HS3ST4: variants seen among roughly 807,000 people sequenced by gnomAD.
HS3ST4 encodes the protein heparan sulfate-glucosamine 3-sulfotransferase 4, also known as heparan sulfate glucosamine 3-O-sulfotransferase 4.
HS3ST4 carries 17 observed loss-of-function variants against 29.2 expected under a neutral mutation model. That is an observed-to-expected ratio of 0.58 (90% CI 0.40 to 0.87). The LOEUF (loss-of-function observed/expected upper bound fraction) is 0.87, where lower values mean the gene tolerates loss of function less well. Ranked by LOEUF, HS3ST4 falls within the 40% of genes least tolerant of loss-of-function variation. The pLI, the probability that HS3ST4 is intolerant of heterozygous loss-of-function variation, is 0.00. For missense variants in HS3ST4, 627 were observed against 634.5 expected (o/e 0.99, Z 0.13); for synonymous variants, 314 against 285.7 (o/e 1.10, Z -1.00).
intron 1 of HS3ST4, among the ~76,000 whole-genome samples, chr16:25,733,531 G>C (rs1234282797): frequency 6.6e-6 from 1 of 152,176 alleles, no homozygotes; most frequent in Non-Finnish European, 1.5e-5. Flanking sequence ...AGGAACATGA[G>C]AGTTTAAACC....
chr16:25,869,951 G>A (rs1299122126), intron 1 of HS3ST4, among the ~76,000 whole-genome samples: 2 of 152,182 alleles, frequency 1.3e-5, no homozygotes, highest in East Asian at 3.8e-4. Context: ...CACAGGACCA[G>A]GGATCAGATC....
At chr16:25,694,867 G>C (rs1262735296) in intron 1 of HS3ST4, among the ~76,000 whole-genome samples, 6 of 151,884 alleles carry the variant, frequency 4.0e-5, no homozygotes, top group Non-Finnish European at 8.8e-5. Flanking sequence ...TGAGGTGTTT[G>C]GGTTTGTGGC....
chr16:25,705,383 GGGCT>G (rs1966368554), intron 1 of HS3ST4, among the ~76,000 whole-genome samples: 1 of 152,094 alleles, frequency 6.6e-6, no homozygotes, highest in African/African-American at 2.4e-5. Flanking sequence ...AAAGGAAGCT[GGGCT>G]GGCTGCGGTG....
intron 1 of HS3ST4, among the ~76,000 whole-genome samples, chr16:26,131,965 A>T (rs1567319455): frequency 6.6e-6 from 1 of 152,182 alleles, no homozygotes; most frequent in Non-Finnish European, 1.5e-5. Context: ...AACAAAATAC[A>T]TACTTAGTGA....
At chr16:26,119,928 G>A (rs1899249661) in intron 1 of HS3ST4, among the ~76,000 whole-genome samples, 1 of 152,164 alleles carries the variant, frequency 6.6e-6, no homozygotes, top group South Asian at 2.1e-4. Flanking sequence ...GATCAGAAAA[G>A]GCTGATGTGA....
chr16:25,904,966 C>T (rs1281178470), intron 1 of HS3ST4, among the ~76,000 whole-genome samples: 1 of 152,170 alleles, frequency 6.6e-6, no homozygotes, highest in Non-Finnish European at 1.5e-5. Context: ...GTTTATTGAA[C>T]TCATTGAGTA....
At chr16:25,784,552 TAGA>T (rs1966855663) in intron 1 of HS3ST4, among the ~76,000 whole-genome samples, 1 of 152,260 alleles carries the variant, frequency 6.6e-6, no homozygotes, top group African/African-American at 2.4e-5. Flanking sequence ...GTGGTCTGGT[TAGA>T]AGATCAAACC....
chr16:25,692,542 C>G lies in HS3ST4; in HGVS notation c.125C>G (p.Ser42Cys). Residue 42 changes from serine (S) to cysteine (C), a missense_variant, in exon 1 of 2, where the codon TCC (serine) becomes TGC (cysteine). Transcript: ENST00000331351. ...ARKLLFMCTLSLSVTYLCYSL... is the reference protein window; with the variant it reads ...ARKLLFMCTLCLSVTYLCYSL... ...AAGCTGCTTTTTATGTGCACCTTGTCCCTGTCTGTCACCTACCTGTGCTAC... is the reference window on the plus strand; with the variant it reads ...AAGCTGCTTTTTATGTGCACCTTGTGCCTGTCTGTCACCTACCTGTGCTAC... 1 of 1,452,990 alleles carries G rather than the reference C, an allele frequency of 6.9e-7. No individual in the cohort carries two copies. The highest frequency in any genetic ancestry group is 3.1e-5 in the East Asian group (1 of 32,652). The allele number at this position is 1,452,990 out of a possible 1,614,324, so 90.0% of individuals were successfully genotyped here.
At chr16:26,064,113 A>C (rs1898513918) in intron 1 of HS3ST4, among the ~76,000 whole-genome samples, 1 of 152,120 alleles carries the variant, frequency 6.6e-6, no homozygotes, top group African/African-American at 2.4e-5. Flanking sequence ...TGCTGTCTGC[A>C]TGTTGGGGGC....
chr16:25,780,717 A>G lies in HS3ST4; in HGVS notation c.734+87566A>G, dbSNP rs940392948. Among the ~76,000 whole-genome samples the G allele has an allele frequency of 1.4e-4, 21 of 152,192 alleles. 1 individual carries two copies. The highest frequency in any genetic ancestry group is 5.1e-4 in the African/African-American group (21 of 41,462). On this transcript the variant is annotated intron_variant, in intron 1 of 1. Transcript: ENST00000331351. ...GCGTTGCATGTAAACTGTTGACCAC[A>G]GTCAGTCCCTGGAACTCAGTAAACT...
At chr16:26,106,625 G>C (rs1899061085) in intron 1 of HS3ST4, among the ~76,000 whole-genome samples, 1 of 152,070 alleles carries the variant, frequency 6.6e-6, no homozygotes, top group Non-Finnish European at 1.5e-5. Flanking sequence ...ACATACCTTT[G>C]GGCAGTTTTG....
intron 1 of HS3ST4, among the ~76,000 whole-genome samples, chr16:25,948,260 A>G (rs780155057): frequency 3.9e-5 from 6 of 152,142 alleles, no homozygotes; most frequent in Non-Finnish European, 8.8e-5. Flanking sequence ...ATGAAACGTG[A>G]TCATTCAAAA....
rs116915088 is a variant in HS3ST4 at position 25,934,472 on chromosome 16, G to T, written c.735-201140G>T. Among the ~76,000 whole-genome samples, 474 of 152,302 alleles carry T rather than the reference G, an allele frequency of 3.1e-3. 4 individuals carry two copies. Among genetic ancestry groups the T allele is most frequent in the South Asian group, 0.027 (132 of 4,824 alleles). On this transcript the variant is annotated intron_variant, in intron 1 of 1. Transcript: ENST00000331351. ...TGACTTTTTGAGAAAGAGCATTAAT[G>T]ATTGGTTTTATCAGGAAAGGCAGCT...
chr16:25,894,144 A>C (rs918202174), intron 1 of HS3ST4, among the ~76,000 whole-genome samples: 1 of 152,146 alleles, frequency 6.6e-6, no homozygotes, highest in Admixed American at 6.5e-5. Flanking sequence ...TGCTCAGGAC[A>C]TGGTTCCATT....
chr16:26,051,827 A>T (rs7199190), intron 1 of HS3ST4, among the ~76,000 whole-genome samples: 14 of 111,458 alleles, frequency 1.3e-4, no homozygotes, highest in South Asian at 3.0e-4. Flanking sequence ...TTCCATTCTC[A>T]CTCCCTCCCG....
chr16:25,734,602 T>C (rs1966594308), intron 1 of HS3ST4, among the ~76,000 whole-genome samples: 1 of 152,168 alleles, frequency 6.6e-6, no homozygotes, highest in Non-Finnish European at 1.5e-5. Flanking sequence ...CTCCCTTTTA[T>C]GGAATTTACA....
At position 26,042,717 on chromosome 16, in the gene HS3ST4, A is replaced by G. The variant is rs111420454; in HGVS notation, c.735-92895A>G. On this transcript the variant is annotated intron_variant, in intron 1 of 1. Coordinates refer to ENST00000331351, the MANE Select transcript of HS3ST4 (RefSeq NM_006040.3). ...ATGGAAATAAATTTCCCAAAAGATG[A>G]AAGCAAACTGTTCAGTGTAGATCTG... Among the ~76,000 whole-genome samples the G allele has an allele frequency of 6.5e-3, 986 of 152,328 alleles. 6 individuals carry two copies. The highest frequency in any genetic ancestry group is 8.4e-3 in the Non-Finnish European group (574 of 68,026).
At chr16:25,772,151 C>G (rs1366557509) in intron 1 of HS3ST4, among the ~76,000 whole-genome samples, 1 of 152,182 alleles carries the variant, frequency 6.6e-6, no homozygotes, top group African/African-American at 2.4e-5. Flanking sequence ...CCCGTGGACC[C>G]TTATTGTAGA....
At chr16:26,023,173 T>A (rs190132617) in intron 1 of HS3ST4, among the ~76,000 whole-genome samples, 1 of 152,336 alleles carries the variant, frequency 6.6e-6, no homozygotes, top group African/African-American at 2.4e-5. Flanking sequence ...CGTAATGATT[T>A]TCATTGTTAA....
Sources: allele counts gnomAD v4.1 joint callset (sites outside exome capture counted in the v4.1 genomes callset), GRCh38; gene constraint gnomAD v4.1.1; transcripts MANE v1.5; gene names NCBI Gene and HGNC (gene_info 2026-07-23, HGNC 2026-07-21).